The following NUGGC variants were observed in gnomAD, a reference collection of about 807,000 sequenced individuals.
NUGGC encodes nuclear GTPase SLIP-GC.
Under a neutral mutation model 92.6 loss-of-function variants are expected in NUGGC, and 58 were observed. The observed-to-expected ratio is 0.63, with a 90% CI of 0.51 to 0.78. The LOEUF (loss-of-function observed/expected upper bound fraction) is 0.78, where lower values mean the gene tolerates loss of function less well. Among genes scored for constraint, NUGGC ranks in the 30% least tolerant of loss-of-function variants. The pLI is 0.00. For synonymous variants in NUGGC, 376 were observed against 366.4 expected (o/e 1.03, Z -0.30); for missense variants, 925 against 964.6 (o/e 0.96, Z 0.54).
rs547228847 is a variant in NUGGC at position 28,039,991 on chromosome 8, C to T, written c.1611+1060G>A. On this transcript the variant is annotated intron_variant, in intron 13 of 18. Transcript: ENST00000413272. ...AAGAGAAAGAGATCCCAGGAGTGTG[C>T]GTGCTCAGTGAAGAGGCCACGTGAG... Among the ~76,000 whole-genome samples, 21 of 152,230 alleles carry T rather than the reference C, an allele frequency of 1.4e-4. No individual in the cohort carries two copies. The South Asian group carries it at 3.7e-3, about 27-fold the overall frequency.
intron 1 of NUGGC, among the ~76,000 whole-genome samples, chr8:28,075,378 C>T (rs1288098526): frequency 6.6e-6 from 1 of 152,142 alleles, no homozygotes; most frequent in East Asian, 1.9e-4. Flanking sequence ...CTCCAGTCCA[C>T]CAGCAGATAG....
intron 5 of NUGGC, among the ~76,000 whole-genome samples, 193 bp from the exon 6 acceptor site, chr8:28,067,937 C>T (rs994999193): frequency 1.3e-5 from 2 of 152,232 alleles, no homozygotes; most frequent in Non-Finnish European, 2.9e-5. Flanking sequence ...AGGCTAGACC[C>T]CCTCCCCAGC....
chr8:28,023,557 A>G, intron 18 of NUGGC, 95 bp from the exon 19 acceptor site: 1 of 1,243,992 alleles, frequency 8.0e-7, no homozygotes, highest in Non-Finnish European at 1.1e-6. Context: ...CACTTGTCCC[A>G]GAATATGAGA....
At chr8:28,040,276 A>G (rs1199882138) in intron 13 of NUGGC, among the ~76,000 whole-genome samples, 1 of 152,198 alleles carries the variant, frequency 6.6e-6, no homozygotes, top group African/African-American at 2.4e-5. Context: ...ACTCTATACA[A>G]CTAATTAAGA....
intron 14 of NUGGC, among the ~76,000 whole-genome samples, chr8:28,033,214 T>A (rs1250298682): frequency 6.6e-6 from 1 of 152,180 alleles, no homozygotes; most frequent in East Asian, 1.9e-4. Flanking sequence ...TTTGCTTAAT[T>A]CTACTCTCTC....
intron 8 of NUGGC, among the ~76,000 whole-genome samples, chr8:28,059,999 C>CGGCA (rs1354112284): frequency 6.6e-6 from 1 of 150,774 alleles, no homozygotes; most frequent in Non-Finnish European, 1.5e-5. Context: ...CCAGCCTGGG[C>CGGCA]GGCACAGCAA....
intron 6 of NUGGC, among the ~76,000 whole-genome samples, chr8:28,065,583 C>A (rs766878488): frequency 6.6e-6 from 1 of 152,120 alleles, no homozygotes; most frequent in Non-Finnish European, 1.5e-5. Context: ...TCTTAGACCA[C>A]GGTTCCTACT....
At chr8:28,037,987 T>C (rs1342091267) in intron 13 of NUGGC, among the ~76,000 whole-genome samples, 2 of 152,154 alleles carry the variant, frequency 1.3e-5, no homozygotes, top group African/African-American at 2.4e-5. Flanking sequence ...CTCATGGTGT[T>C]CAGATGTGAG....
At chr8:28,048,483 G>A (rs183790175) in intron 10 of NUGGC, among the ~76,000 whole-genome samples, 1 of 152,040 alleles carries the variant, frequency 6.6e-6, no homozygotes, top group East Asian at 1.9e-4. Flanking sequence ...CAAGCGCAAC[G>A]CAACACAAAC....
chr8:28,031,751 C>T (rs1245473192), intron 14 of NUGGC, among the ~76,000 whole-genome samples: 2 of 152,112 alleles, frequency 1.3e-5, no homozygotes, highest in Non-Finnish European at 2.9e-5. Flanking sequence ...TTGAACTATA[C>T]CTAAAAGTTG....
At chr8:28,080,889 G>T (rs1299056869) in intron 1 of NUGGC, among the ~76,000 whole-genome samples, 1 of 152,106 alleles carries the variant, frequency 6.6e-6, no homozygotes, top group Non-Finnish European at 1.5e-5. Context: ...AATTATTAGG[G>T]ATTTGGAGTC....
At chr8:28,052,868 C>T (rs969237680) in intron 10 of NUGGC, among the ~76,000 whole-genome samples, 1 of 152,154 alleles carries the variant, frequency 6.6e-6, no homozygotes, top group Non-Finnish European at 1.5e-5. Context: ...TCAGCATTTT[C>T]CAGGCCGTTA....
chr8:28,061,210 G>C (rs1020807458), intron 7 of NUGGC, among the ~76,000 whole-genome samples: 1 of 152,210 alleles, frequency 6.6e-6, no homozygotes, highest in Admixed American at 6.5e-5. Flanking sequence ...TTTGATGTTT[G>C]ACTGCCCCTG....
chr8:28,054,229 C>T (rs1810076238), intron 10 of NUGGC, among the ~76,000 whole-genome samples: 2 of 152,156 alleles, frequency 1.3e-5, no homozygotes, highest in Admixed American at 1.3e-4. Context: ...CGTTGGTAAT[C>T]CCAGCACTTT....
intron 7 of NUGGC, among the ~76,000 whole-genome samples, chr8:28,061,898 T>C (rs142044459): frequency 0.02 from 3,005 of 152,246 alleles, 33 homozygotes; most frequent in Middle Eastern, 0.051. Flanking sequence ...CAGCCCAAAA[T>C]GTCAAGAGTT....
At chr8:28,059,875 G>T (rs1810249274) in intron 8 of NUGGC, among the ~76,000 whole-genome samples, 1 of 152,098 alleles carries the variant, frequency 6.6e-6, no homozygotes, top group South Asian at 2.1e-4. Flanking sequence ...ACAAAAATTA[G>T]CTGGGTGGAC....
chr8:28,036,251 A>G (rs1437004411), intron 13 of NUGGC, among the ~76,000 whole-genome samples: 1 of 152,220 alleles, frequency 6.6e-6, no homozygotes, highest in Non-Finnish European at 1.5e-5. Flanking sequence ...GCATAAAAAT[A>G]AGAAAATAGG....
chr8:28,063,087 A>C (rs777494106), intron 7 of NUGGC, among the ~76,000 whole-genome samples: 2 of 152,096 alleles, frequency 1.3e-5, no homozygotes, highest in Non-Finnish European at 2.9e-5. Context: ...GGACATCTGA[A>C]TTCATAACGG....
At position 28,068,324 on chromosome 8, in the gene NUGGC, T is replaced by C. The variant is rs1166728808; in HGVS notation, c.372A>G (p.Ala124=). ...SSLINAIIQQ[A]MFLPVSGESI... The stretch of plus-strand genomic sequence containing the variant: ...TTTCTCCAGACACTGGTAGAAACAT[T>C]GCTTGCTGGATGATGGCATTGATCA... Residue 124 remains alanine (A), a synonymous_variant, in exon 5 of 19, where the codon GCA becomes GCG. Transcript: ENST00000413272. The C allele has an allele frequency of 1.2e-5, 18 of 1,561,112 alleles. No homozygotes were observed. The South Asian group carries it at 2.1e-4, about 18-fold the overall frequency.
Sources: gnomAD v4.1 joint callset for allele counts (sites outside exome capture counted in the v4.1 genomes callset) on GRCh38, gnomAD v4.1.1 for gene constraint, MANE v1.5 for transcripts, NCBI Gene and HGNC (gene_info 2026-07-23, HGNC 2026-07-21) for gene names.